SPRTN: variants seen among roughly 807,000 people sequenced by gnomAD.
SPRTN encodes the protein SprT-like N-terminal domain, also known as DNA-dependent metalloprotease SPRTN.
SPRTN carries 11 observed loss-of-function variants against 31.9 expected under a neutral mutation model. The ratio of observed to expected loss-of-function variants is 0.34; its 90% confidence interval spans 0.22 to 0.57. The LOEUF (loss-of-function observed/expected upper bound fraction) is 0.57, where lower values mean the gene tolerates loss of function less well. Among genes scored for constraint, SPRTN ranks in the 20% least tolerant of loss-of-function variants. SPRTN has a pLI of 0.86. For synonymous variants in SPRTN, 185 were observed against 212.1 expected (o/e 0.87, Z 1.11); for missense variants, 482 against 590.1 (o/e 0.82, Z 1.90).
chr1:231,344,460 T>G (rs1428438534), intron 2 of SPRTN, among the ~76,000 whole-genome samples: 2 of 152,162 alleles, frequency 1.3e-5, no homozygotes, highest in Non-Finnish European at 2.9e-5. Flanking sequence ...TGAAATATAA[T>G]CATGCCACTG....
intron 2 of SPRTN, among the ~76,000 whole-genome samples, chr1:231,341,280 G>A (rs1686882679): frequency 6.6e-6 from 1 of 151,486 alleles, no homozygotes; most frequent in Non-Finnish European, 1.5e-5. Context: ...AAACTATTGT[G>A]GCTATAAGGT....
chr1:231,349,395 A>G (rs1236663041), intron 3 of SPRTN, among the ~76,000 whole-genome samples: 2 of 152,248 alleles, frequency 1.3e-5, no homozygotes, highest in African/African-American at 4.8e-5. Flanking sequence ...AAAAAATCAG[A>G]CATAAAATCC....
At position 231,347,871 on chromosome 1, in the gene SPRTN, A is replaced by G. The variant is rs1021233074; in HGVS notation, c.396A>G (p.Pro132=). ...ACAAAGACCGAGAAGGGCATGGTCC[A>G]GAATTTTGTAAACATATGCATCGCA... ...NNDKDREGHG[P]EFCKHMHRIN... Residue 132 remains proline (P), a synonymous_variant, in exon 3 of 5, where the codon CCA becomes CCG. Transcript: ENST00000295050. 3 of 1,613,960 alleles carry G rather than the reference A, an allele frequency of 1.9e-6. No homozygotes were observed. In the African/African-American group the frequency reaches 4.0e-5, roughly 22 times the overall value.
chr1:231,347,855 G>C lies in SPRTN; in HGVS notation c.380G>C (p.Arg127Pro). 1.2e-6 allele frequency: 2 copies of C among 1,613,928 alleles called. No individual in the cohort carries two copies. Among genetic ancestry groups the C allele is most frequent in the Non-Finnish European group, 1.7e-6 (2 of 1,180,010 alleles). The change falls in exon 3 of 5, where the codon CGA (arginine) becomes CCA (proline). Residue 127 changes from arginine to proline, a missense_variant. By Grantham distance (103) the Arg-to-Pro change is moderately radical. This residue lies in a region of SPRTN where 157 missense variants were observed against 239.9 expected (regional missense o/e 0.65). Coordinates refer to ENST00000295050, the MANE Select transcript of SPRTN (RefSeq NM_032018.7). ...YLFVTNNDKD[R>P]EGHGPEFCKH... is the part of the protein sequence containing the mutation. ...TTTGTCACTAATAACGACAAAGACC[G>C]AGAAGGGCATGGTCCAGAATTTTGT... is the stretch of plus-strand genomic sequence containing the variant.
At chr1:231,349,431 G>A (rs186588052) in intron 3 of SPRTN, among the ~76,000 whole-genome samples, 22 of 152,308 alleles carry the variant, frequency 1.4e-4, no homozygotes, top group Admixed American at 1.4e-3. Context: ...TTATAGACTT[G>A]CTTGTATAAA....
intron 1 of SPRTN, among the ~76,000 whole-genome samples, 198 bp downstream of exon 1, chr1:231,338,802 A>C (rs538897413): frequency 6.6e-6 from 1 of 152,212 alleles, no homozygotes; most frequent in Admixed American, 6.5e-5. Context: ...ACAATAAGAA[A>C]GCTGTGTAGA....
In SPRTN at chr1:231,353,379, C is replaced by T. The variant is rs1197337609; in HGVS notation, c.*18C>T. 1.3e-6 allele frequency: 2 copies of T among 1,552,510 alleles called. No individual in the cohort carries two copies. Among genetic ancestry groups the T allele is most frequent in the African/African-American group, 2.8e-5 (2 of 72,718 alleles). On this transcript the variant is annotated 3_prime_UTR_variant, in exon 5 of 5. Transcript: ENST00000295050. ...GTCTTTGAAAAAGGTTTCAAAGTCT[C>T]AAGTACCACCTGTATTATCTCACTA...
chr1:231,338,674 T>C (rs1571987238), intron 1 of SPRTN, 70 bp downstream of exon 1: 1 of 1,571,802 alleles, frequency 6.4e-7, no homozygotes, highest in East Asian at 2.2e-5. Flanking sequence ...GCCCTGGTTT[T>C]CTCTCCTTTC....
rs1687316588 is a variant in SPRTN, at chr1:231,353,892, C to T, written c.*531C>T. The T allele has an allele frequency of 1.1e-6, 1 of 944,644 alleles. No individual in the cohort carries two copies. Among genetic ancestry groups the T allele is most frequent in the Non-Finnish European group, 1.3e-6 (1 of 792,774 alleles). The allele number at this position is 944,644 out of a possible 1,614,324, so 58.5% of individuals were successfully genotyped here. A position where few individuals can be genotyped will look rare whatever the true frequency, so the allele number is the denominator to read the frequency against. On this transcript the variant is annotated 3_prime_UTR_variant, in exon 5 of 5. Coordinates refer to ENST00000295050, the MANE Select transcript of SPRTN (RefSeq NM_032018.7). ...TTTGTTTGCAAAATCTTAACAGGAA[C>T]TGTATTTTCTATATTTTAAAGAATT...
At position 231,352,718 on chromosome 1, in the gene SPRTN, A is replaced by AT; in HGVS notation, c.828dup (p.Ala277CysfsTer3). ...TCACCTGGGAAACTGATCACTTCAC[A>AT]TGCCATTAATAAAACCCAAGATCTT... On this transcript the variant is annotated frameshift_variant, in exon 5 of 5. Coordinates refer to ENST00000295050, the MANE Select transcript of SPRTN (RefSeq NM_032018.7). LOFTEE classifies it low-confidence loss of function (END_TRUNC). 1 of 1,614,128 alleles carries AT rather than the reference A, an allele frequency of 6.2e-7. No homozygotes were observed. The highest frequency in any genetic ancestry group is 8.5e-7 in the Non-Finnish European group (1 of 1,179,986).
intron 2 of SPRTN, among the ~76,000 whole-genome samples, chr1:231,347,005 T>C (rs927613119): frequency 1.3e-5 from 2 of 152,190 alleles, no homozygotes; most frequent in African/African-American, 2.4e-5. Context: ...GATTTTGATA[T>C]ATAGTCAAAA....
rs1375487364 is a variant in SPRTN at position 231,354,761 on chromosome 1, A to G, written c.*1400A>G. On this transcript the variant is annotated 3_prime_UTR_variant, in exon 5 of 5. Coordinates refer to ENST00000295050, the MANE Select transcript of SPRTN (RefSeq NM_032018.7). ...AATTATTTCCAGTTTGGGGCTGTTAAGCATAATGCTGCTAAGAACATTCTT... is the reference window on the plus strand; with the variant it reads ...AATTATTTCCAGTTTGGGGCTGTTAGGCATAATGCTGCTAAGAACATTCTT... 3 of 153,018 alleles carry G rather than the reference A, an allele frequency of 2.0e-5. No individual in the cohort carries two copies. The highest frequency in any genetic ancestry group is 7.2e-5 in the African/African-American group (3 of 41,480). The allele number at this position is 153,018 out of a possible 1,614,324, so 9.5% of individuals were successfully genotyped here. A position where few individuals can be genotyped will look rare whatever the true frequency, so the allele number is the denominator to read the frequency against.
At chr1:231,352,241 A>T in intron 4 of SPRTN, 1 of 1,006,030 alleles carries the variant, frequency 9.9e-7, no homozygotes, top group Non-Finnish European at 1.2e-6. Context: ...ATATGGAAAG[A>T]CCGTATCTTC....
Position 231,351,591 on chromosome 1 carries a change from T to A in SPRTN, c.718+20T>A, listed in dbSNP as rs779757161. ...ATAAAGGTACCTTCGTGTATATTCT[T>A]CTGATTTTTATGTGACCATAGCTAT... On this transcript the variant is annotated intron_variant, in intron 4 of 4. Coordinates refer to ENST00000295050, the MANE Select transcript of SPRTN (RefSeq NM_032018.7). 6.2e-7 allele frequency: 1 copy of A among 1,611,218 alleles called. No individual in the cohort carries two copies. Among genetic ancestry groups the A allele is most frequent in the Non-Finnish European group, 8.5e-7 (1 of 1,178,944 alleles).
At chr1:231,347,583 C>T (rs910105939) in intron 2 of SPRTN, 14 of 488,770 alleles carry the variant, frequency 2.9e-5, no homozygotes, top group Admixed American at 3.9e-5. Flanking sequence ...AGGTTGGTCT[C>T]CAACCCCTGG....
At position 231,354,017 on chromosome 1, in the gene SPRTN, A is replaced by C. The variant is rs978815199; in HGVS notation, c.*656A>C. On this transcript the variant is annotated 3_prime_UTR_variant, in exon 5 of 5. Transcript: ENST00000295050. ...AATTTCTTTTGGAATATTTTTAGTA[A>C]CAAATAGCCACTATAATTCTGTAGG... 1.1e-6 allele frequency: 1 copy of C among 949,504 alleles called. No homozygotes were observed. The highest frequency in any genetic ancestry group is 1.3e-6 in the Non-Finnish European group (1 of 797,374). The allele number at this position is 949,504 out of a possible 1,614,324, so 58.8% of individuals were successfully genotyped here.
chr1:231,347,566 G>T, intron 2 of SPRTN: 1 of 422,250 alleles, frequency 2.4e-6, no homozygotes, highest in Non-Finnish European at 4.2e-6. Context: ...GTTTCGCCAT[G>T]TTGCCCAGGT....
chr1:231,340,425 A>G (rs952667002), intron 2 of SPRTN, among the ~76,000 whole-genome samples: 2 of 152,216 alleles, frequency 1.3e-5, no homozygotes, highest in African/African-American at 4.8e-5. Flanking sequence ...AGCCCTGTTT[A>G]TGTTCATGTG....
rs528763691 is a variant in SPRTN at position 231,348,710 on chromosome 1, G to A, written c.450+785G>A. On this transcript the variant is annotated intron_variant, in intron 3 of 4. Transcript: ENST00000295050. ...GTTTTGTGTCCGAATGCTTTTCATC[G>A]TTCCAGTGGCATCTCATTTCTCCCT... Among the ~76,000 whole-genome samples, 23 of 152,124 alleles carry A rather than the reference G, an allele frequency of 1.5e-4. No homozygotes were observed. The South Asian group carries it at 3.5e-3, about 23-fold the overall frequency.
Sources: gnomAD v4.1 joint callset for allele counts (sites outside exome capture counted in the v4.1 genomes callset) on GRCh38, gnomAD v4.1.1 for gene constraint, gnomAD v4.1.1 regional missense constraint, MANE v1.5 for transcripts, NCBI Gene and HGNC (gene_info 2026-07-23, HGNC 2026-07-21) for gene names.